Variants in ARHGEF10 observed in about 807,000 individuals in gnomAD.
The protein encoded by ARHGEF10 is Rho guanine nucleotide exchange factor (GEF) 10.
In ARHGEF10, 140 loss-of-function variants were observed where a neutral mutation model predicts 147.4. That is an observed-to-expected ratio of 0.95 (90% CI 0.83 to 1.09). The LOEUF (loss-of-function observed/expected upper bound fraction) is 1.09, where lower values mean the gene tolerates loss of function less well. Among genes scored for constraint, ARHGEF10 ranks in the 50% least tolerant of loss-of-function variants. The probability of loss-of-function intolerance (pLI) is 0.00; values close to 1 mark genes in which losing one functional copy is unlikely to be tolerated. For missense variants in ARHGEF10, 2,222 were observed against 1,752.7 expected (o/e 1.27, Z -4.78); for synonymous variants, 902 against 695.8 (o/e 1.30, Z -4.67).
At chr8:1,927,807 G>A (rs1397007033) in intron 23 of ARHGEF10, among the ~76,000 whole-genome samples, 3 of 152,158 alleles carry the variant, frequency 2.0e-5, no homozygotes, top group Non-Finnish European at 2.9e-5. Flanking sequence ...CGGATGTGGT[G>A]GCACGAGCCT....
In ARHGEF10 at chr8:1,882,733, G is replaced by A; in HGVS notation, c.1059G>A (p.Lys353=). 1 of 1,545,608 alleles carries A rather than the reference G, an allele frequency of 6.5e-7. No individual in the cohort carries two copies. The highest frequency in any genetic ancestry group is 8.7e-7 in the Non-Finnish European group (1 of 1,143,920). ...GGGGCCGCTCCTTCATCAGGACCAA[G>A]TCTCTCATCGCACAGGGTCCGTGCC... ...VKRGRSFIRT[K]SLIAQDHRSS... Residue 353 remains lysine (K), a synonymous_variant, in exon 10 of 29, where the codon AAG becomes AAA. Transcript: ENST00000349830.
chr8:1,918,531 G>A (rs1811937610), intron 18 of ARHGEF10, among the ~76,000 whole-genome samples: 1 of 146,682 alleles, frequency 6.8e-6, no homozygotes. Flanking sequence ...TATGTTTTTA[G>A]TTGACAAATA....
intron 11 of ARHGEF10, among the ~76,000 whole-genome samples, chr8:1,888,099 T>G (rs1458116512): frequency 2.3e-4 from 23 of 101,552 alleles, no homozygotes; most frequent in African/African-American, 5.6e-4. Flanking sequence ...GTAGGGTGAA[T>G]GTTTTGAGGA....
chr8:1,899,335 G>C (rs1432513097), intron 15 of ARHGEF10, among the ~76,000 whole-genome samples: 2 of 152,200 alleles, frequency 1.3e-5, no homozygotes, highest in South Asian at 2.1e-4. Flanking sequence ...GTTTCTGCCT[G>C]TGTTGATTTT....
chr8:1,854,093 C>A (rs953627144), intron 2 of ARHGEF10, among the ~76,000 whole-genome samples: 12 of 152,204 alleles, frequency 7.9e-5, no homozygotes, highest in Non-Finnish European at 1.8e-4. Flanking sequence ...TAAAGGCATT[C>A]TGCATTGCAC....
chr8:1,940,392 C>CTA (rs1813989161), intron 26 of ARHGEF10, among the ~76,000 whole-genome samples: 1 of 152,104 alleles, frequency 6.6e-6, no homozygotes, highest in African/African-American at 2.4e-5. Context: ...TGGACAGACT[C>CTA]TAGAGTGGCA....
chr8:1,845,770 G>A (rs1481916408), intron 2 of ARHGEF10, among the ~76,000 whole-genome samples: 3 of 152,160 alleles, frequency 2.0e-5, no homozygotes, highest in South Asian at 2.1e-4. Context: ...TGGTCTCCAC[G>A]ACCAGAACTG....
intron 2 of ARHGEF10, among the ~76,000 whole-genome samples, chr8:1,855,432 A>C (rs1404158888): frequency 6.6e-6 from 1 of 152,178 alleles, no homozygotes. Flanking sequence ...CCCAGGCTGC[A>C]GTGCGGTGGC....
intron 5 of ARHGEF10, among the ~76,000 whole-genome samples, chr8:1,865,466 C>T (rs1350588213): frequency 5.3e-5 from 8 of 152,006 alleles, no homozygotes; most frequent in African/African-American, 1.7e-4. Context: ...GGGCATCCCC[C>T]AGCACCCAGG....
intron 18 of ARHGEF10, among the ~76,000 whole-genome samples, chr8:1,917,663 G>A (rs971712786): frequency 5.9e-5 from 9 of 152,216 alleles, no homozygotes; most frequent in Non-Finnish European, 1.2e-4. Flanking sequence ...TCACTGCAGC[G>A]ACAAAGAACT....
intron 1 of ARHGEF10, among the ~76,000 whole-genome samples, chr8:1,827,464 G>A (rs143127547): frequency 0.014 from 2,184 of 152,120 alleles, 85 homozygotes; most frequent in East Asian, 0.098. Flanking sequence ...ACCCACCACC[G>A]TGCCCGGCTA....
intron 7 of ARHGEF10, among the ~76,000 whole-genome samples, chr8:1,873,185 C>T (rs57291470): frequency 0.028 from 4,277 of 152,244 alleles, 155 homozygotes; most frequent in African/African-American, 0.089. Flanking sequence ...AAGAAACTCA[C>T]GCCGCCGCAG....
At chr8:1,950,056 G>T (rs1168838908) in intron 27 of ARHGEF10, among the ~76,000 whole-genome samples, 2 of 152,094 alleles carry the variant, frequency 1.3e-5, no homozygotes, top group African/African-American at 2.4e-5. Flanking sequence ...GACTCCCCAC[G>T]GAGTCACCAT....
intron 11 of ARHGEF10, among the ~76,000 whole-genome samples, chr8:1,886,149 C>G (rs959133088): frequency 3.3e-5 from 5 of 152,236 alleles, no homozygotes; most frequent in African/African-American, 1.2e-4. Context: ...TAATGCATTT[C>G]TTAAAAATCT....
At chr8:1,836,802 G>A (rs1019094455) in intron 1 of ARHGEF10, among the ~76,000 whole-genome samples, 1 of 152,190 alleles carries the variant, frequency 6.6e-6, no homozygotes, top group African/African-American at 2.4e-5. Context: ...CCCAAGGGGA[G>A]GTAACCGAAT....
chr8:1,850,505 C>T (rs1293982233), intron 2 of ARHGEF10, among the ~76,000 whole-genome samples: 9 of 145,852 alleles, frequency 6.2e-5, no homozygotes, highest in South Asian at 2.2e-4. Flanking sequence ...ATGGGCCACC[C>T]GCGTGGACAC....
Position 1,859,905 on chromosome 8 carries a change from G to A in ARHGEF10, c.202G>A (p.Asp68Asn). Residue 68 changes from aspartate (D) to asparagine (N), a missense_variant, in exon 4 of 29, where the codon GAT becomes AAT. Coordinates refer to ENST00000349830, the MANE Select transcript of ARHGEF10 (RefSeq NM_014629.4). ...SEAPAPTGGE[D>N]GAGAETTPVA... is the part of the protein sequence containing the mutation. ...CCTTTCTGCATCCCCAGGAGGTGAG[G>A]ATGGAGCTGGAGCAGAAACCACCCC... 6.2e-7 allele frequency: 1 copy of A among 1,614,130 alleles called. No individual in the cohort carries two copies. Among genetic ancestry groups the A allele is most frequent in the Non-Finnish European group, 8.5e-7 (1 of 1,180,030 alleles).
chr8:1,938,541 G>A (rs1813809073), intron 26 of ARHGEF10, among the ~76,000 whole-genome samples: 1 of 152,248 alleles, frequency 6.6e-6, no homozygotes, highest in African/African-American at 2.4e-5. Context: ...AGATATTAAA[G>A]ATGACCTAAA....
chr8:1,915,818 C>G (rs1347174192), intron 18 of ARHGEF10, among the ~76,000 whole-genome samples: 1 of 152,226 alleles, frequency 6.6e-6, no homozygotes, highest in Non-Finnish European at 1.5e-5. Flanking sequence ...GACATGCACA[C>G]TAGTCCACGT....
Sources: allele counts gnomAD v4.1 joint callset (sites outside exome capture counted in the v4.1 genomes callset), GRCh38; gene constraint gnomAD v4.1.1; transcripts MANE v1.5; gene names NCBI Gene and HGNC (gene_info 2026-07-23, HGNC 2026-07-21).